The following NOD2 variants were observed in gnomAD, a reference collection of about 807,000 sequenced individuals.
NOD2 encodes the protein nucleotide-binding oligomerization domain-containing protein 2.
A neutral mutation model predicts 90.9 loss-of-function variants in NOD2; 86 were observed. That is an observed-to-expected ratio of 0.95 (90% CI 0.79 to 1.13). NOD2 has a LOEUF of 1.13. Ranked by LOEUF, NOD2 falls within the 50% of genes most tolerant of loss-of-function variation. NOD2 has a pLI of 0.00. For missense variants in NOD2, 1,238 were observed against 1,283.8 expected (o/e 0.96, Z 0.55); for synonymous variants, 581 against 554.6 (o/e 1.05, Z -0.67).
At chr16:50,693,898 TGTGGGACTCAG>T in intron 1 of NOD2, among the ~76,000 whole-genome samples, 1 of 152,234 alleles carries the variant, frequency 6.6e-6, no homozygotes, top group East Asian at 1.9e-4. Context: ...CCTTCCTCTC[TGTGGGACTCAG>T]TTTCCCCAGC....
rs201196641 is a variant in NOD2, at chr16:50,729,804, A to G, written c.2886-14A>G. ...AAGAATCCTTGAAGCTCACCATTGT[A>G]TCTTCTTTTCCAGGTTGTCCAATAA... On this transcript the variant is annotated splice_polypyrimidine_tract_variant and intron_variant, in intron 10 of 11. Transcript: ENST00000647318. 1.8e-5 allele frequency: 29 copies of G among 1,606,786 alleles called. No individual in the cohort carries two copies. The East Asian group carries it at 2.5e-4, about 14-fold the overall frequency.
intron 3 of NOD2, among the ~76,000 whole-genome samples, chr16:50,708,437 C>G (rs1241332204): frequency 6.6e-6 from 1 of 152,168 alleles, no homozygotes; most frequent in African/African-American, 2.4e-5. Flanking sequence ...TTGGACCGCA[C>G]CACTTGAACA....
chr16:50,708,806 G>A (rs928491411), intron 3 of NOD2, among the ~76,000 whole-genome samples: 4 of 152,216 alleles, frequency 2.6e-5, no homozygotes, highest in African/African-American at 9.7e-5. Flanking sequence ...CCTGTGGGCG[G>A]GGTGGCTGGA....
rs138193434 is a variant in NOD2 at position 50,728,039 on chromosome 16, G to C, written c.2886-1779G>C. The C allele has an allele frequency of 1.0e-3, 253 of 248,490 alleles. 2 individuals carry two copies. Among genetic ancestry groups the C allele is most frequent in the East Asian group, 5.1e-3 (49 of 9,650 alleles). 15.4% of individuals were successfully genotyped at this position (248,490 alleles called of 1,614,324 possible). On this transcript the variant is annotated intron_variant, in intron 10 of 11. Coordinates refer to ENST00000647318, the MANE Select transcript of NOD2 (RefSeq NM_001370466.1). The stretch of plus-strand genomic sequence containing the variant: ...TCAAGAAATGGTTCGCTGTTGTTGT[G>C]TAGAATAAGAGAAGATGACACTTCA...
At position 50,712,373 on chromosome 16, in the gene NOD2, A is replaced by G; in HGVS notation, c.2381A>G (p.Tyr794Cys). Reference sequence around the variant, plus strand: ...TGCCTTGGTGTCTGCAAGGCTCTGTAGTGAGTGTTACTGGGCATTGCTGTT... The same window carrying G: ...TGCCTTGGTGTCTGCAAGGCTCTGTGGTGAGTGTTACTGGGCATTGCTGTT... ...LPCLGVCKAL[Y>C]LRDNNISDRG... Residue 794 changes from tyrosine to cysteine, a missense_variant and splice_region_variant, in exon 4 of 12, where the codon TAT (tyrosine) becomes TGT (cysteine). This residue lies in a region of NOD2 where 667 missense variants were observed against 688.7 expected (regional missense o/e 0.97). Transcript: ENST00000647318. The G allele has an allele frequency of 6.2e-7, 1 of 1,613,600 alleles. No homozygotes were observed.
intron 1 of NOD2, chr16:50,697,839 T>C (rs1321976971): frequency 2.0e-5 from 4 of 202,044 alleles, no homozygotes; most frequent in Admixed American, 1.1e-4. Flanking sequence ...TCCTTTTGCT[T>C]ACCTTGGCTA....
intron 3 of NOD2, chr16:50,709,856 G>C (rs956235473): frequency 2.3e-6 from 1 of 428,958 alleles, no homozygotes; most frequent in Non-Finnish European, 4.7e-6. Flanking sequence ...TTGAGAGTTT[G>C]CCATGTCAGA....
chr16:50,700,425 A>G (rs1963889020), intron 2 of NOD2, among the ~76,000 whole-genome samples: 1 of 152,202 alleles, frequency 6.6e-6, no homozygotes, highest in Non-Finnish European at 1.5e-5. Context: ...TGCCTGGCCA[A>G]CAGAACACTT....
In NOD2 at chr16:50,712,874, A is replaced by G. The variant is rs140318749; in HGVS notation, c.2381+501A>G. ...CAGGAACAACACCAAATCAGAGGTGACTTGTGCCCCATCAGAGACTTTAAC... is the reference window on the plus strand; with the variant it reads ...CAGGAACAACACCAAATCAGAGGTGGCTTGTGCCCCATCAGAGACTTTAAC... On this transcript the variant is annotated intron_variant, in intron 4 of 11. Coordinates refer to ENST00000647318, the MANE Select transcript of NOD2 (RefSeq NM_001370466.1). 679 of 181,314 alleles carry G rather than the reference A, an allele frequency of 3.7e-3. 5 individuals carry two copies. Among genetic ancestry groups the G allele is most frequent in the African/African-American group, 0.015 (646 of 42,250 alleles). 11.2% of individuals were successfully genotyped at this position (181,314 alleles called of 1,614,324 possible).
At chr16:50,724,719 G>C (rs770258836) in intron 9 of NOD2, among the ~76,000 whole-genome samples, 2 of 152,254 alleles carry the variant, frequency 1.3e-5, no homozygotes, top group Non-Finnish European at 2.9e-5. Flanking sequence ...GGAACTCAAA[G>C]TACAGAGGCA....
Position 50,727,855 on chromosome 16 carries a change from G to A in NOD2, c.2886-1963G>A, listed in dbSNP as rs561283028. 3 of 365,806 alleles carry A rather than the reference G, an allele frequency of 8.2e-6. No individual in the cohort carries two copies. In the East Asian group the frequency reaches 2.3e-4, roughly 28 times the overall value. 22.7% of individuals were successfully genotyped at this position (365,806 alleles called of 1,614,324 possible). On this transcript the variant is annotated intron_variant, in intron 10 of 11. Transcript: ENST00000647318. ...TTTCGCAGGGATTCAGAAAGCTGTA[G>A]GGGATCAGACTAGCAGCAGACCACC...
chr16:50,729,964 G>A lies in NOD2; in HGVS notation c.2969+63G>A, dbSNP rs1049445815. 2.4e-6 allele frequency: 3 copies of A among 1,250,218 alleles called. No individual in the cohort carries two copies. In the African/African-American group the frequency reaches 4.4e-5, roughly 18 times the overall value. The allele number at this position is 1,250,218 out of a possible 1,614,324, so 77.4% of individuals were successfully genotyped here. ...CCTCAGTTTTTCTATCTGTAAAATGGGGTGACGGGAGAGAGGAATGGCAGA... is the reference window on the plus strand; with the variant it reads ...CCTCAGTTTTTCTATCTGTAAAATGAGGTGACGGGAGAGAGGAATGGCAGA... On this transcript the variant is annotated intron_variant, in intron 11 of 11. Coordinates refer to ENST00000647318, the MANE Select transcript of NOD2 (RefSeq NM_001370466.1).
chr16:50,725,360 T>C (rs1313403372), intron 9 of NOD2, 129 bp from the exon 10 acceptor site: 11 of 702,264 alleles, frequency 1.6e-5, no homozygotes, highest in East Asian at 1.1e-4. Flanking sequence ...CAACGTACTT[T>C]ATCTGTTCTT....
At chr16:50,694,552 C>T (rs1328878841) in intron 1 of NOD2, among the ~76,000 whole-genome samples, 2 of 152,192 alleles carry the variant, frequency 1.3e-5, no homozygotes, top group African/African-American at 4.8e-5. Context: ...TCCCTCCTAC[C>T]CAGTGCAGAG....
rs370883542 is a variant in NOD2 at position 50,722,400 on chromosome 16, G to A, written c.2634-222G>A. On this transcript the variant is annotated intron_variant, in intron 7 of 11. Transcript: ENST00000647318. ...CTCTACTATTCTCTAAGTCTGTAAT[G>A]TAAAGCCACTGAAAACTCTTGGGTT... Among the ~76,000 whole-genome samples, 5 of 152,340 alleles carry A rather than the reference G, an allele frequency of 3.3e-5. No individual in the cohort carries two copies. The South Asian group carries it at 8.3e-4, about 25-fold the overall frequency.
chr16:50,719,304 G>T (rs951879918), intron 6 of NOD2, among the ~76,000 whole-genome samples: 1 of 152,290 alleles, frequency 6.6e-6, no homozygotes, highest in East Asian at 1.9e-4. Context: ...AAAGCGTATA[G>T]TTATCCCAGG....
At chr16:50,698,912 T>C (rs1963790934) in intron 1 of NOD2, among the ~76,000 whole-genome samples, 1 of 146,210 alleles carries the variant, frequency 6.8e-6, no homozygotes, top group Admixed American at 6.7e-5. Context: ...TTGGAAGATC[T>C]CTCTCTCTCT....
At chr16:50,698,598 G>A (rs543641122) in intron 1 of NOD2, among the ~76,000 whole-genome samples, 4 of 152,166 alleles carry the variant, frequency 2.6e-5, no homozygotes, top group Admixed American at 6.5e-5. Context: ...CATGCATTCC[G>A]GAGTCATACA....
Position 50,708,111 on chromosome 16 carries a change from C to A in NOD2, c.565+151C>A, listed in dbSNP as rs566493469. 2.0e-5 allele frequency: 14 copies of A among 691,966 alleles called. No individual in the cohort carries two copies. In the East Asian group the frequency reaches 2.2e-4, roughly 11 times the overall value. 42.9% of individuals were successfully genotyped at this position (691,966 alleles called of 1,614,324 possible). ...CCTTGTTTTAAGGCTAGCACCACCC[C>A]GTCTCATTGGGATTTTGGGAGCATT... On this transcript the variant is annotated intron_variant, in intron 3 of 11. Transcript: ENST00000647318.
Sources: gnomAD v4.1 joint callset for allele counts (sites outside exome capture counted in the v4.1 genomes callset) on GRCh38, gnomAD v4.1.1 for gene constraint, gnomAD v4.1.1 regional missense constraint, MANE v1.5 for transcripts, NCBI Gene and HGNC (gene_info 2026-07-23, HGNC 2026-07-21) for gene names.